MAB21L3: variants seen among roughly 807,000 people sequenced by gnomAD.
The protein encoded by MAB21L3 is mab-21 like 3, also known as protein mab-21-like 3.
A neutral mutation model predicts 37.7 loss-of-function variants in MAB21L3; 36 were observed. That is an observed-to-expected ratio of 0.96 (90% CI 0.73 to 1.26). The LOEUF (loss-of-function observed/expected upper bound fraction) is 1.26. Ranked by LOEUF, MAB21L3 falls within the 50% of genes most tolerant of loss-of-function variation. MAB21L3 has a pLI of 0.00. For missense variants in MAB21L3, 430 were observed against 447.3 expected, an observed-to-expected ratio of 0.96 and a Z score of 0.35; for synonymous variants, 186 against 176.8, an observed-to-expected ratio of 1.05 and a Z score of -0.41.
Position 116,119,222 on chromosome 1 carries a change from G to T in MAB21L3, c.49-1710G>T, listed in dbSNP as rs147869994. On this transcript the variant is annotated intron_variant, in intron 3 of 7. Transcript: ENST00000369500. The stretch of plus-strand genomic sequence containing the variant: ...CCTCACTACTGTGAATGCATGGCCG[G>T]GTCTATCTTGTGCATTGCTGTGTTC... Among the ~76,000 whole-genome samples, 582 of 152,292 alleles carry T rather than the reference G, an allele frequency of 3.8e-3. 2 individuals are homozygous for T. The highest frequency in any genetic ancestry group is 0.014 in the Middle Eastern group (4 of 294).
intron 3 of MAB21L3, among the ~76,000 whole-genome samples, chr1:116,118,536 A>C (rs1006730295): frequency 6.6e-6 from 1 of 151,984 alleles, no homozygotes; most frequent in Non-Finnish European, 1.5e-5. Flanking sequence ...TAGCTGTCAG[A>C]CTCCATGGAC....
rs1309335382 is a variant in MAB21L3 at position 116,134,916 on chromosome 1, T to C, written c.*1551T>C. 1 of 152,224 alleles carries C rather than the reference T, an allele frequency of 6.6e-6. No individual in the cohort carries two copies. Among genetic ancestry groups the C allele is most frequent in the East Asian group, 1.9e-4 (1 of 5,202 alleles). 9.4% of individuals were successfully genotyped at this position (152,224 alleles called of 1,614,324 possible). A position where few individuals can be genotyped will look rare whatever the true frequency, so the allele number is the denominator to read the frequency against. On this transcript the variant is annotated 3_prime_UTR_variant, in exon 8 of 8. Transcript: ENST00000369500. Reference sequence around the variant, plus strand: ...TTACTTTTGAATGTTTTTGCCCAAATGTCTATACCAAAGATAAATTTCTAA... The same window carrying C: ...TTACTTTTGAATGTTTTTGCCCAAACGTCTATACCAAAGATAAATTTCTAA...
chr1:116,136,775 G>A lies in MAB21L3; in HGVS notation c.*3410G>A, dbSNP rs1336141307. ...CAGCATGGTACTGGTACCAAAACAG[G>A]GATATAGATCAATGGAACAGAACAG... On this transcript the variant is annotated 3_prime_UTR_variant, in exon 8 of 8. Coordinates refer to ENST00000369500, the MANE Select transcript of MAB21L3 (RefSeq NM_152367.3). Among the ~76,000 whole-genome samples the A allele has an allele frequency of 1.3e-5, 2 of 151,492 alleles. No individual in the cohort carries two copies. Among genetic ancestry groups the A allele is most frequent in the Non-Finnish European group, 3.0e-5 (2 of 67,738 alleles).
At chr1:116,114,314 T>C (rs1052752264) in intron 3 of MAB21L3, among the ~76,000 whole-genome samples, 5 of 152,312 alleles carry the variant, frequency 3.3e-5, no homozygotes, top group Middle Eastern at 3.4e-3. Flanking sequence ...GAAATATCTT[T>C]AGAGTTCGTT....
In MAB21L3 at chr1:116,124,288, G is replaced by A; in HGVS notation, c.412G>A (p.Val138Met). 2 of 1,614,162 alleles carry A rather than the reference G, an allele frequency of 1.2e-6. No homozygotes were observed. Among genetic ancestry groups the A allele is most frequent in the Non-Finnish European group, 1.7e-6 (2 of 1,180,038 alleles). ...ETDVNIDGDI[V>M]PAKVLLVFRK... ...AGATGTGAACATCGACGGAGACATTGTGCCTGCCAAGGTCCTCCTAGTGTT... is the reference window on the plus strand; with the variant it reads ...AGATGTGAACATCGACGGAGACATTATGCCTGCCAAGGTCCTCCTAGTGTT... The change falls in exon 5 of 8, where the codon GTG becomes ATG. Residue 138 changes from valine to methionine, a missense_variant. Coordinates refer to ENST00000369500, the MANE Select transcript of MAB21L3 (RefSeq NM_152367.3).
At chr1:116,129,525 T>C (rs1660011559) in intron 7 of MAB21L3, among the ~76,000 whole-genome samples, 1 of 152,204 alleles carries the variant, frequency 6.6e-6, no homozygotes, top group Non-Finnish European at 1.5e-5. Context: ...CTTCCTCACA[T>C]ACCTCTTCCT....
chr1:116,120,124 T>C (rs2474926), intron 3 of MAB21L3, among the ~76,000 whole-genome samples: 58,579 of 151,802 alleles, frequency 0.39, 16,132 homozygotes, highest in African/African-American at 0.79. Flanking sequence ...GATGATCTGG[T>C]CCCTGCTTTC....
Position 116,124,111 on chromosome 1 carries a change from C to G in MAB21L3, c.235C>G (p.Leu79Val). 1 of 1,613,346 alleles carries G rather than the reference C, an allele frequency of 6.2e-7. No homozygotes were observed. The highest frequency in any genetic ancestry group is 1.1e-5 in the South Asian group (1 of 91,028). ...QFLVTVPIKG[L>V]AGYREAREQH... ...CCTCGTCACAGTCCCAATAAAAGGC[C>G]TGGCCGGGTACAGGGAGGCCAGGGA... The change falls in exon 5 of 8, where the codon CTG (leucine) becomes GTG (valine). Residue 79 changes from leucine (L) to valine (V), a missense_variant. By Grantham distance (32) the Leu-to-Val change is conservative. Coordinates refer to ENST00000369500, the MANE Select transcript of MAB21L3 (RefSeq NM_152367.3).
chr1:116,112,336 A>T (rs1285325946), intron 2 of MAB21L3, 71 bp from the exon 3 acceptor site: 1 of 328,136 alleles, frequency 3.0e-6, no homozygotes, highest in Non-Finnish European at 5.8e-6. Flanking sequence ...CTAAGGTATG[A>T]TTAGGTTGGA....
At chr1:116,131,473 G>C (rs543473130) in intron 7 of MAB21L3, among the ~76,000 whole-genome samples, 9 of 152,152 alleles carry the variant, frequency 5.9e-5, no homozygotes, top group Non-Finnish European at 8.8e-5. Context: ...GATGTTTTTA[G>C]CTAACAAACA....
rs1257626953 is a variant in MAB21L3 at position 116,133,637 on chromosome 1, C to G, written c.*272C>G. 7 of 529,944 alleles carry G rather than the reference C, an allele frequency of 1.3e-5. No individual in the cohort carries two copies. The highest frequency in any genetic ancestry group is 2.4e-5 in the Non-Finnish European group (7 of 293,822). 32.8% of individuals were successfully genotyped at this position (529,944 alleles called of 1,614,324 possible). ...GGCTTCCCCAGGCACAGATTTGGAA[C>G]TGGTGACAGTTCTGAACTTAGTTTC... On this transcript the variant is annotated 3_prime_UTR_variant, in exon 8 of 8. Coordinates refer to ENST00000369500, the MANE Select transcript of MAB21L3 (RefSeq NM_152367.3).
chr1:116,124,163 A>C lies in MAB21L3; in HGVS notation c.287A>C (p.Gln96Pro). The C allele has an allele frequency of 1.2e-6, 2 of 1,614,250 alleles. No individual in the cohort carries two copies. The highest frequency in any genetic ancestry group is 8.5e-7 in the Non-Finnish European group (1 of 1,180,044). Residue 96 changes from glutamine (Q) to proline (P), a missense_variant, in exon 5 of 8, where the codon CAG becomes CCG. Transcript: ENST00000369500. ...CAGCACTGGCGGTACTACACACTGC[A>C]GGGCACCAGGCTGCCCTGCCCGTTG... ...REQHWRYYTL[Q>P]GTRLPCPLRD... is the part of the protein sequence containing the mutation.
intron 3 of MAB21L3, 55 bp downstream of exon 3, chr1:116,112,718 A>G: frequency 6.4e-7 from 1 of 1,572,076 alleles, no homozygotes; most frequent in Admixed American, 1.7e-5. Flanking sequence ...CACTACTTCC[A>G]AACAAACCTT....
At chr1:116,118,803 C>T (rs558301947) in intron 3 of MAB21L3, among the ~76,000 whole-genome samples, 25 of 152,268 alleles carry the variant, frequency 1.6e-4, no homozygotes, top group Admixed American at 7.8e-4. Context: ...TCCTAGCTAA[C>T]GCCTAGTAAG....
chr1:116,133,590 C>T lies in MAB21L3; in HGVS notation c.*225C>T. The T allele has an allele frequency of 1.7e-6, 1 of 585,286 alleles. No individual in the cohort carries two copies. Among genetic ancestry groups the T allele is most frequent in the South Asian group, 2.0e-5 (1 of 49,118 alleles). The allele number at this position is 585,286 out of a possible 1,614,324, so 36.3% of individuals were successfully genotyped here. ...GCAAGCATTTCTGCCCTAGCTAATTCTCCTGGAGACAGCTCTCATCAGGCT... is the reference window on the plus strand; with the variant it reads ...GCAAGCATTTCTGCCCTAGCTAATTTTCCTGGAGACAGCTCTCATCAGGCT... On this transcript the variant is annotated 3_prime_UTR_variant, in exon 8 of 8. Coordinates refer to ENST00000369500, the MANE Select transcript of MAB21L3 (RefSeq NM_152367.3).
Position 116,127,500 on chromosome 1 carries a change from T to G in MAB21L3, c.516T>G (p.Val172=), listed in dbSNP as rs774635987. 1.2e-6 allele frequency: 2 copies of G among 1,614,174 alleles called. No individual in the cohort carries two copies. The highest frequency in any genetic ancestry group is 1.7e-6 in the Non-Finnish European group (2 of 1,180,018). The change falls in exon 6 of 8, where the codon GTT becomes GTG. Residue 172 remains valine, a synonymous_variant. Transcript: ENST00000369500. Reference sequence around the variant, plus strand: ...GCCTGCTAGGAAACCGCTCTGCAGTTTGGGTTGCTGTGGAAACATCTGCAT... The same window carrying G: ...GCCTGCTAGGAAACCGCTCTGCAGTGTGGGTTGCTGTGGAAACATCTGCAT... ...KVSLLGNRSA[V]WVAVETSAYQ...
At chr1:116,120,425 A>G (rs898204952) in intron 3 of MAB21L3, among the ~76,000 whole-genome samples, 1 of 124,906 alleles carries the variant, frequency 8.0e-6, no homozygotes, top group Non-Finnish European at 1.5e-5. Flanking sequence ...ACACACACAC[A>G]CACACAAACA....
At chr1:116,112,018 G>A (rs1392026287) in intron 2 of MAB21L3, among the ~76,000 whole-genome samples, 1 of 152,194 alleles carries the variant, frequency 6.6e-6, no homozygotes, top group Non-Finnish European at 1.5e-5. Flanking sequence ...TCACTTGTTT[G>A]CGGGCATAAT....
chr1:116,125,369 A>G (rs1177104425), intron 5 of MAB21L3, among the ~76,000 whole-genome samples: 1 of 152,258 alleles, frequency 6.6e-6, no homozygotes, highest in Non-Finnish European at 1.5e-5. Context: ...GCACCAGGAT[A>G]TTCTCTGCCA....
Sources: allele counts gnomAD v4.1 joint callset (sites outside exome capture counted in the v4.1 genomes callset), GRCh38; gene constraint gnomAD v4.1.1; transcripts MANE v1.5; gene names NCBI Gene and HGNC (gene_info 2026-07-23, HGNC 2026-07-21).